TBC1D14: variants seen among roughly 807,000 people sequenced by gnomAD.
TBC1D14 encodes the protein TBC1 domain family member 14.
A neutral mutation model predicts 79.0 loss-of-function variants in TBC1D14; 26 were observed. The ratio of observed to expected loss-of-function variants is 0.33; its 90% CI spans 0.24 to 0.46. The LOEUF is 0.46. Among genes scored for constraint, TBC1D14 ranks in the 20% least tolerant of loss-of-function variants. The pLI, the probability that TBC1D14 is intolerant of heterozygous loss-of-function variation, is 1.00. For synonymous variants in TBC1D14, 394 were observed against 349.9 expected, an observed-to-expected ratio of 1.13 and a Z score of -1.40; for missense variants, 769 against 887.6, an observed-to-expected ratio of 0.87 and a Z score of 1.70.
intron 3 of TBC1D14, among the ~76,000 whole-genome samples, chr4:6,990,742 A>G (rs1718407041): frequency 6.6e-6 from 1 of 152,196 alleles, no homozygotes; most frequent in South Asian, 2.1e-4. Flanking sequence ...TGACCGCCAC[A>G]GTGGTCTGTA....
chr4:6,997,683 T>A (rs1281375645), intron 5 of TBC1D14, among the ~76,000 whole-genome samples: 2 of 152,222 alleles, frequency 1.3e-5, no homozygotes, highest in Non-Finnish European at 2.9e-5. Context: ...GGAATATTAT[T>A]TGGCCTTAAA....
intron 3 of TBC1D14, among the ~76,000 whole-genome samples, chr4:6,984,083 C>A (rs529307304): frequency 1.1e-4 from 15 of 142,022 alleles, no homozygotes; most frequent in African/African-American, 3.3e-4. Context: ...TTTCACAGTA[C>A]TGGGGTGAGA....
chr4:6,948,610 G>C (rs2108995891), intron 2 of TBC1D14, among the ~76,000 whole-genome samples: 1 of 152,230 alleles, frequency 6.6e-6, no homozygotes, highest in Admixed American at 6.5e-5. Flanking sequence ...CCCACTCGCG[G>C]TGTGTGGTGA....
rs1443948858 is a variant in TBC1D14, at chr4:6,987,251, C to A, written c.844-6933C>A. ...GAGTCTGAGGAGCCGCCGCGTCCGC[C>A]CGCCCGCCCGCGGTCCGGGAGGGAG... On this transcript the variant is annotated intron_variant, in intron 3 of 13. Coordinates refer to ENST00000409757, the MANE Select transcript of TBC1D14 (RefSeq NM_020773.3). The A allele has an allele frequency of 2.4e-6, 3 of 1,270,212 alleles. No individual in the cohort carries two copies. The East Asian group carries it at 9.6e-5, about 41-fold the overall frequency. 78.7% of individuals were successfully genotyped at this position (1,270,212 alleles called of 1,614,324 possible). A position where few individuals can be genotyped will look rare whatever the true frequency, so the allele number is the denominator to read the frequency against.
At chr4:6,988,624 A>G (rs1233289448) in intron 3 of TBC1D14, among the ~76,000 whole-genome samples, 1 of 152,172 alleles carries the variant, frequency 6.6e-6, no homozygotes. Context: ...TCCTCAGGTT[A>G]TTTTCACTGG....
At chr4:6,948,568 TGG>T (rs111368546) in intron 2 of TBC1D14, among the ~76,000 whole-genome samples, 20,617 of 152,102 alleles carry the variant, frequency 0.14, 1,946 homozygotes, top group African/African-American at 0.27. Context: ...TGTGCGTGCC[TGG>T]GGGGTGGGAC....
chr4:7,015,098 G>T (rs1358102130), intron 12 of TBC1D14, among the ~76,000 whole-genome samples: 1 of 152,094 alleles, frequency 6.6e-6, no homozygotes, highest in Non-Finnish European at 1.5e-5. Context: ...AGGACGGCAG[G>T]CGATGAGGTG....
Position 6,987,763 on chromosome 4 carries a change from C to T in TBC1D14, c.844-6421C>T, listed in dbSNP as rs1560312385. On this transcript the variant is annotated intron_variant, in intron 3 of 13. Transcript: ENST00000409757. ...GCCTTTGTATGGAGATGAGACTGCG[C>T]TCCGAGCTCTAGAGCCCAATGAGGT... is the stretch of plus-strand genomic sequence containing the variant. Among the ~76,000 whole-genome samples the T allele has an allele frequency of 2.0e-5, 3 of 152,212 alleles. No individual in the cohort carries two copies. The South Asian group carries it at 6.2e-4, about 32-fold the overall frequency.
At chr4:6,977,077 CTCTCCCTCTCCCCACTG>C (rs1358253245) in intron 3 of TBC1D14, among the ~76,000 whole-genome samples, 206 of 11,420 alleles carry the variant, frequency 0.018, 19 homozygotes, top group Non-Finnish European at 0.063. Flanking sequence ...CTCCCTCTCC[CTCTCCCTCTCCCCACTG>C]TCTCCCTCTC....
chr4:6,937,943 C>G (rs929890563), intron 2 of TBC1D14, among the ~76,000 whole-genome samples: 2 of 151,900 alleles, frequency 1.3e-5, no homozygotes, highest in Non-Finnish European at 2.9e-5. Context: ...GTAGGCTCCC[C>G]CCGGGGCCGT....
intron 7 of TBC1D14, 97 bp downstream of exon 7, chr4:7,001,348 G>A (rs1193144582): frequency 3.3e-5 from 34 of 1,022,482 alleles, no homozygotes; most frequent in East Asian, 1.5e-4. Context: ...CCATTGCCAC[G>A]AATCTGTGTC....
rs1288636122 is a variant in TBC1D14 at position 6,935,974 on chromosome 4, A to G, written c.722+11863A>G. Among the ~76,000 whole-genome samples the G allele has an allele frequency of 5.3e-5, 8 of 152,168 alleles. No individual in the cohort carries two copies. In the East Asian group the frequency reaches 1.5e-3, roughly 29 times the overall value. On this transcript the variant is annotated intron_variant, in intron 2 of 13. Transcript: ENST00000409757. ...ATAGATTTTTAATTTCAACATATTT[A>G]CTTTTTAAAAAATAGACTTTATTTT...
At chr4:7,024,099 C>T (rs371981415) in intron 12 of TBC1D14, among the ~76,000 whole-genome samples, 2 of 152,334 alleles carry the variant, frequency 1.3e-5, no homozygotes, top group East Asian at 3.9e-4. Context: ...ACCCCCCGGC[C>T]GGAGTCCACT....
chr4:6,931,435 G>A (rs1257349016), intron 2 of TBC1D14, among the ~76,000 whole-genome samples: 2 of 152,180 alleles, frequency 1.3e-5, no homozygotes, highest in Non-Finnish European at 2.9e-5. Context: ...ATCTGGGTGA[G>A]CTTCAATTTG....
At chr4:7,015,251 G>C (rs1231346277) in intron 12 of TBC1D14, among the ~76,000 whole-genome samples, 1 of 152,110 alleles carries the variant, frequency 6.6e-6, no homozygotes, top group Non-Finnish European at 1.5e-5. Flanking sequence ...CTGGAAGGCA[G>C]GAGAGCCTGG....
chr4:7,022,982 G>A (rs905694406), intron 12 of TBC1D14, among the ~76,000 whole-genome samples: 2 of 152,152 alleles, frequency 1.3e-5, no homozygotes, highest in Non-Finnish European at 2.9e-5. Context: ...TTGGCTGGGC[G>A]TGGTGGCTCA....
rs569569511 is a variant in TBC1D14 at position 6,955,883 on chromosome 4, GCT to G, written c.723-11418_723-11417del. 1.1e-3 allele frequency among the ~76,000 whole-genome samples: 173 copies of G among 152,284 alleles called. 2 individuals are homozygous for G. The highest frequency in any genetic ancestry group is 4.0e-3 in the African/African-American group (168 of 41,564). ...CTCGGACACGTAAGTCCGAGTCGCA[GCT>G]CTGTGTTGTTTAGGTGGACGAGTCT... On this transcript the variant is annotated intron_variant, in intron 2 of 13. Transcript: ENST00000409757.
chr4:6,928,640 C>G (rs866392862), intron 2 of TBC1D14, among the ~76,000 whole-genome samples: 1 of 152,182 alleles, frequency 6.6e-6, no homozygotes, highest in African/African-American at 2.4e-5. Context: ...TGAGACCAAC[C>G]TGGCCAACAT....
At chr4:6,929,589 G>A (rs1044935596) in intron 2 of TBC1D14, among the ~76,000 whole-genome samples, 8 of 152,138 alleles carry the variant, frequency 5.3e-5, no homozygotes, top group African/African-American at 9.7e-5. Context: ...GGAAGGTGCC[G>A]TAGCATGAGG....
Sources: allele counts gnomAD v4.1 joint callset (sites outside exome capture counted in the v4.1 genomes callset), GRCh38; gene constraint gnomAD v4.1.1; transcripts MANE v1.5; gene names NCBI Gene and HGNC (gene_info 2026-07-23, HGNC 2026-07-21).